PKDCC: variants seen among roughly 807,000 people sequenced by gnomAD.
PKDCC encodes extracellular tyrosine-protein kinase PKDCC.
PKDCC carries 35 observed loss-of-function variants against 44.7 expected under a neutral mutation model. The ratio of observed to expected loss-of-function variants is 0.78; its 90% CI spans 0.60 to 1.04. The LOEUF (loss-of-function observed/expected upper bound fraction) is 1.04, where lower values mean the gene tolerates loss of function less well. Ranked by LOEUF, PKDCC falls within the 50% of genes least tolerant of loss-of-function variation. The pLI, the probability that PKDCC is intolerant of heterozygous loss-of-function variation, is 0.00. For missense variants in PKDCC, 738 were observed against 672.7 expected (o/e 1.10, Z -1.07); for synonymous variants, 353 against 303.3 (o/e 1.16, Z -1.70).
chr2:42,048,171 G>C lies in PKDCC; in HGVS notation c.-29G>C. The C allele has an allele frequency of 9.5e-7, 1 of 1,058,092 alleles. No individual in the cohort carries two copies. The highest frequency in any genetic ancestry group is 1.8e-5 in the African/African-American group (1 of 57,048). The allele number at this position is 1,058,092 out of a possible 1,614,324, so 65.5% of individuals were successfully genotyped here. A position where few individuals can be genotyped will look rare whatever the true frequency, so the allele number is the denominator to read the frequency against. ...CGGGGCCGGGGCCGGGGAGCCGCGC[G>C]GGGCCGGCCGGCCGGGGGGAGGGGA... is the stretch of plus-strand genomic sequence containing the variant. On this transcript the variant is annotated 5_prime_UTR_variant, in exon 1 of 7. Coordinates refer to ENST00000294964, the MANE Select transcript of PKDCC (RefSeq NM_138370.3). This position sits in a 1 kb window ranked among gnomAD's most constrained non-coding sequence, Gnocchi z 6.2.
In PKDCC at chr2:42,058,255, G is replaced by C. The variant is rs1173159147; in HGVS notation, c.*567G>C. The C allele has an allele frequency of 6.5e-6, 1 of 153,560 alleles. No individual in the cohort carries two copies. Among genetic ancestry groups the C allele is most frequent in the Non-Finnish European group, 1.5e-5 (1 of 68,762 alleles). The allele number at this position is 153,560 out of a possible 1,614,324, so 9.5% of individuals were successfully genotyped here. On this transcript the variant is annotated 3_prime_UTR_variant, in exon 7 of 7. Coordinates refer to ENST00000294964, the MANE Select transcript of PKDCC (RefSeq NM_138370.3). The surrounding 1 kb of genome is among the most constrained non-coding windows in gnomAD (Gnocchi z 4.2). ...CACTCCCAGGCCAGCCCAGGGGTCA[G>C]GGGCAGAGGTGCACACCTCAGCATG... is the stretch of plus-strand genomic sequence containing the variant.
At chr2:42,053,574 C>T in intron 2 of PKDCC, 1 of 642,538 alleles carries the variant, frequency 1.6e-6, no homozygotes, top group Non-Finnish European at 2.6e-6. Context: ...CTCCTCACCC[C>T]TCCTTGTGCG....
Position 42,048,174 on chromosome 2 carries a change from G to T in PKDCC, c.-26G>T, listed in dbSNP as rs1228799213. On this transcript the variant is annotated 5_prime_UTR_variant, in exon 1 of 7. Coordinates refer to ENST00000294964, the MANE Select transcript of PKDCC (RefSeq NM_138370.3). This position sits in a 1 kb window ranked among gnomAD's most constrained non-coding sequence, Gnocchi z 6.2. ...GGCCGGGGCCGGGGAGCCGCGCGGG[G>T]CCGGCCGGCCGGGGGGAGGGGAGCG... 5.6e-6 allele frequency: 6 copies of T among 1,064,300 alleles called. No homozygotes were observed. The highest frequency in any genetic ancestry group is 6.8e-6 in the Non-Finnish European group (6 of 886,016). 65.9% of individuals were successfully genotyped at this position (1,064,300 alleles called of 1,614,324 possible).
chr2:42,048,311 TC>T lies in PKDCC; in HGVS notation c.116del (p.Pro39LeufsTer49). On this transcript the variant is annotated frameshift_variant, in exon 1 of 7. Transcript: ENST00000294964. LOFTEE classifies it high-confidence loss of function. The surrounding 1 kb of genome is among the most constrained non-coding windows in gnomAD (Gnocchi z 6.2). The stretch of plus-strand genomic sequence containing the variant: ...CTCGGAGCCTCCGAGGCCAGGCCAG[TC>T]CCCTGAGCCTTCGCCGGCCCCGGGT... ...PGSEPPRPGQSPEPSPAPGPG... is the reference protein window; with the variant it reads ...PGSEPPRPGQXPEPSPAPGPG... 2 of 1,203,252 alleles carry T rather than the reference TC, an allele frequency of 1.7e-6. No individual in the cohort carries two copies. The highest frequency in any genetic ancestry group is 3.7e-5 in the East Asian group (1 of 27,108). The allele number at this position is 1,203,252 out of a possible 1,614,324, so 74.5% of individuals were successfully genotyped here.
Position 42,052,417 on chromosome 2 carries a change from T to C in PKDCC, c.640-822T>C, listed in dbSNP as rs1304764465. ...GGGGAGGAAGGATAATGTCCAACCG[T>C]ATGCTCGCTTGTGTATTACCAAACA... is the stretch of plus-strand genomic sequence containing the variant. On this transcript the variant is annotated intron_variant, in intron 1 of 6. Transcript: ENST00000294964. This position sits in a 1 kb window ranked among gnomAD's most constrained non-coding sequence, Gnocchi z 4.3. 6.6e-6 allele frequency among the ~76,000 whole-genome samples: 1 copy of C among 152,202 alleles called. No homozygotes were observed. Among genetic ancestry groups the C allele is most frequent in the Non-Finnish European group, 1.5e-5 (1 of 68,026 alleles).
chr2:42,055,634 C>T lies in PKDCC; in HGVS notation c.1222+241C>T. The stretch of plus-strand genomic sequence containing the variant: ...CTGGGGTTGGGCACTGATACCCCTA[C>T]TCTGGATGGCTCCAAACCCTATCAT... On this transcript the variant is annotated intron_variant, in intron 5 of 6. Coordinates refer to ENST00000294964, the MANE Select transcript of PKDCC (RefSeq NM_138370.3). This position sits in a 1 kb window ranked among gnomAD's most constrained non-coding sequence, Gnocchi z 4.5. The T allele has an allele frequency of 1.9e-6, 1 of 515,648 alleles. No homozygotes were observed. The highest frequency in any genetic ancestry group is 3.4e-5 in the Admixed American group (1 of 29,844). 31.9% of individuals were successfully genotyped at this position (515,648 alleles called of 1,614,324 possible). A position where few individuals can be genotyped will look rare whatever the true frequency, so the allele number is the denominator to read the frequency against.
chr2:42,054,633 C>A lies in PKDCC; in HGVS notation c.1035-308C>A. ...TGCTCTGGGAAATTCCTCACTGGGC[C>A]CCAGCCATGGGGCTGCTCCGACACC... is the stretch of plus-strand genomic sequence containing the variant. On this transcript the variant is annotated intron_variant, in intron 3 of 6. Transcript: ENST00000294964. The surrounding 1 kb of genome is among the most constrained non-coding windows in gnomAD (Gnocchi z 6.1). 5.5e-6 allele frequency: 3 copies of A among 542,298 alleles called. No homozygotes were observed. The highest frequency in any genetic ancestry group is 4.9e-5 in the South Asian group (2 of 40,514). 33.6% of individuals were successfully genotyped at this position (542,298 alleles called of 1,614,324 possible).
In PKDCC at chr2:42,053,379, C is replaced by T. The variant is rs758546442; in HGVS notation, c.762+18C>T. ...GATTCCGAGTGAGCTCAGAGGAGGG[C>T]TCGGGCCCTGGGCTCCTTGCTAGGA... is the stretch of plus-strand genomic sequence containing the variant. On this transcript the variant is annotated intron_variant, in intron 2 of 6. Coordinates refer to ENST00000294964, the MANE Select transcript of PKDCC (RefSeq NM_138370.3). 8 of 1,601,036 alleles carry T rather than the reference C, an allele frequency of 5.0e-6. No homozygotes were observed. In the South Asian group the frequency reaches 7.9e-5, roughly 16 times the overall value.
Position 42,051,197 on chromosome 2 carries a change from G to A in PKDCC, c.640-2042G>A, listed in dbSNP as rs1366627589. Reference sequence around the variant, plus strand: ...CTCTGGTCATGGGGATTGCCTGGGCGAGATCTTTCTATCCATTTTCTTTGA... The same window carrying A: ...CTCTGGTCATGGGGATTGCCTGGGCAAGATCTTTCTATCCATTTTCTTTGA... On this transcript the variant is annotated intron_variant, in intron 1 of 6. Coordinates refer to ENST00000294964, the MANE Select transcript of PKDCC (RefSeq NM_138370.3). This position sits in a 1 kb window ranked among gnomAD's most constrained non-coding sequence, Gnocchi z 4.2. 2.6e-5 allele frequency among the ~76,000 whole-genome samples: 4 copies of A among 151,938 alleles called. No homozygotes were observed. Among genetic ancestry groups the A allele is most frequent in the African/African-American group, 9.7e-5 (4 of 41,344 alleles).
chr2:42,051,311 TCTCCC>T lies in PKDCC; in HGVS notation c.640-1919_640-1915del, dbSNP rs1031524206. Among the ~76,000 whole-genome samples, 20 of 139,342 alleles carry T rather than the reference TCTCCC, an allele frequency of 1.4e-4. No individual in the cohort carries two copies. Among genetic ancestry groups the T allele is most frequent in the African/African-American group, 4.9e-4 (18 of 36,528 alleles). The allele number at this position is 139,342 out of a possible 152,430, so 91.4% of individuals were successfully genotyped here. ...AGCCCAGGGCCAAAGGGCACAAGGG[TCTCCC>T]CTCCCCTCAACCTCTCCCCACCTCC... On this transcript the variant is annotated intron_variant, in intron 1 of 6. Transcript: ENST00000294964. This position sits in a 1 kb window ranked among gnomAD's most constrained non-coding sequence, Gnocchi z 4.2.
In PKDCC at chr2:42,048,874, C is replaced by T; in HGVS notation, c.639+36C>T. ...GGGGACGCGGGGGTAACGGTGTTGG[C>T]TGGGAGTGCCCAAGACCTTGTCAAC... On this transcript the variant is annotated intron_variant, in intron 1 of 6. Coordinates refer to ENST00000294964, the MANE Select transcript of PKDCC (RefSeq NM_138370.3). This position sits in a 1 kb window ranked among gnomAD's most constrained non-coding sequence, Gnocchi z 6.2. 1 of 1,444,046 alleles carries T rather than the reference C, an allele frequency of 6.9e-7. No homozygotes were observed. Among genetic ancestry groups the T allele is most frequent in the Non-Finnish European group, 9.1e-7 (1 of 1,094,144 alleles). 89.5% of individuals were successfully genotyped at this position (1,444,046 alleles called of 1,614,324 possible).
In PKDCC at chr2:42,054,187, C is replaced by T. The variant is rs369211885; in HGVS notation, c.914C>T (p.Pro305Leu). 152 of 1,608,844 alleles carry T rather than the reference C, an allele frequency of 9.4e-5. No individual in the cohort carries two copies. The African/African-American group carries it at 1.3e-3, about 14-fold the overall frequency. The change falls in exon 3 of 7, where the codon CCG becomes CTG. Residue 305 changes from proline to leucine, a missense_variant. Physicochemically the swap from Pro to Leu is moderately conservative, Grantham distance 98. Transcript: ENST00000294964. This position sits in a 1 kb window ranked among gnomAD's most constrained non-coding sequence, Gnocchi z 6.1. ...GATGACGCACGTGTGGAGGAGACGC[C>T]GTGTGCAGGCAGCACCGACTGCATA... ...DLDDARVEETPCAGSTDCILE... is the reference protein window; with the variant it reads ...DLDDARVEETLCAGSTDCILE...
At position 42,052,744 on chromosome 2, in the gene PKDCC, A is replaced by C. The variant is rs1344838625; in HGVS notation, c.640-495A>C. ...GCAACAGAGCGAGGCTGTCTCAAAAAAAAAAAAAGAAAAGAAAAGAAAAAT... is the reference window on the plus strand; with the variant it reads ...GCAACAGAGCGAGGCTGTCTCAAAACAAAAAAAAGAAAAGAAAAGAAAAAT... On this transcript the variant is annotated intron_variant, in intron 1 of 6. Transcript: ENST00000294964. The surrounding 1 kb of genome is among the most constrained non-coding windows in gnomAD (Gnocchi z 4.3). Among the ~76,000 whole-genome samples, 2 of 151,912 alleles carry C rather than the reference A, an allele frequency of 1.3e-5. No individual in the cohort carries two copies. Among genetic ancestry groups the C allele is most frequent in the Non-Finnish European group, 2.9e-5 (2 of 67,968 alleles).
rs1184833651 is a variant in PKDCC at position 42,057,737 on chromosome 2, T to G, written c.*49T>G. The G allele has an allele frequency of 6.4e-7, 1 of 1,555,932 alleles. No individual in the cohort carries two copies. Among genetic ancestry groups the G allele is most frequent in the Non-Finnish European group, 8.8e-7 (1 of 1,132,892 alleles). ...AGCTGACTATCCTCAGCAGCTGGGC[T>G]TGCCTGTGGAGGGAGTGACTTGCAC... On this transcript the variant is annotated 3_prime_UTR_variant, in exon 7 of 7. Coordinates refer to ENST00000294964, the MANE Select transcript of PKDCC (RefSeq NM_138370.3).
Position 42,054,300 on chromosome 2 carries a change from G to A in PKDCC, c.1027G>A (p.Ala343Thr). The A allele has an allele frequency of 1.9e-6, 3 of 1,599,096 alleles. No homozygotes were observed. The South Asian group carries it at 3.4e-5, about 18-fold the overall frequency. ...GAACGAGAAGCGGAACCTCTATAAT[G>A]CCTACAGGTGACCTCCACCCCTGAC... ...GMNEKRNLYN[A>T]YRFFFTYLLP... Residue 343 changes from alanine (A) to threonine (T), a missense_variant, in exon 3 of 7, where the codon GCC becomes ACC. Physicochemically the swap from Ala to Thr is moderately conservative, Grantham distance 58 (BLOSUM62 0). Transcript: ENST00000294964. The surrounding 1 kb of genome is among the most constrained non-coding windows in gnomAD (Gnocchi z 6.1).
Position 42,055,261 on chromosome 2 carries a change from G to T in PKDCC, c.1115-25G>T. The T allele has an allele frequency of 6.2e-7, 1 of 1,601,486 alleles. No individual in the cohort carries two copies. Among genetic ancestry groups the T allele is most frequent in the Non-Finnish European group, 8.5e-7 (1 of 1,173,538 alleles). ...GAGGAGTGGGAGCCCCAGGCATCCT[G>T]TCTTAGCCACACTGCACTCTGCAGG... On this transcript the variant is annotated intron_variant, in intron 4 of 6. Transcript: ENST00000294964. The surrounding 1 kb of genome is among the most constrained non-coding windows in gnomAD (Gnocchi z 4.5).
At chr2:42,049,699 C>T (rs969344718) in intron 1 of PKDCC, among the ~76,000 whole-genome samples, 1 of 152,172 alleles carries the variant, frequency 6.6e-6, no homozygotes, top group Non-Finnish European at 1.5e-5. Flanking sequence ...CCCACCTTGT[C>T]CCCTCCAAGC....
At chr2:42,053,936 C>T (rs1343046992) in intron 2 of PKDCC, 100 bp from the exon 3 acceptor site, 5 of 1,473,058 alleles carry the variant, frequency 3.4e-6, no homozygotes, top group Non-Finnish European at 4.6e-6. Context: ...TGCCAACCCC[C>T]ACAAGCAAAG....
chr2:42,054,057 C>A lies in PKDCC; in HGVS notation c.784C>A (p.Leu262Ile). The change falls in exon 3 of 7, where the codon CTC (leucine) becomes ATC (isoleucine). Residue 262 changes from leucine (L) to isoleucine (I), a missense_variant. Leu to Ile is a conservative substitution (Grantham distance 5, BLOSUM62 2). Coordinates refer to ENST00000294964, the MANE Select transcript of PKDCC (RefSeq NM_138370.3). This position sits in a 1 kb window ranked among gnomAD's most constrained non-coding sequence, Gnocchi z 6.1. ...RFRICLSLGR[L>I]LHHLAHSPLG... ...TCAGATCTGCCTGAGCCTGGGCCGC[C>A]TCCTCCACCACCTGGCCCACTCCCC... The A allele has an allele frequency of 6.2e-7, 1 of 1,611,942 alleles. No individual in the cohort carries two copies.
Sources: gnomAD v4.1 joint callset for allele counts (sites outside exome capture counted in the v4.1 genomes callset) on GRCh38, gnomAD v4.1.1 for gene constraint, Gnocchi (gnomAD v3.1) non-coding constraint, MANE v1.5 for transcripts, NCBI Gene and HGNC (gene_info 2026-07-23, HGNC 2026-07-21) for gene names.